THUMPD1: variants seen among roughly 807,000 people sequenced by gnomAD.
The protein encoded by THUMPD1 is THUMP domain 1 NAT10 acetyltransferase adaptor, also known as THUMP domain-containing protein 1.
A neutral mutation model predicts 31.6 loss-of-function variants in THUMPD1; 31 were observed. The observed-to-expected ratio is 0.98, with a 90% CI of 0.74 to 1.32. The LOEUF (loss-of-function observed/expected upper bound fraction) is 1.32, where lower values mean the gene tolerates loss of function less well. Ranked by LOEUF, THUMPD1 falls within the 40% of genes most tolerant of loss-of-function variation. The probability of loss-of-function intolerance (pLI) is 0.00; values close to 1 mark genes in which losing one functional copy is unlikely to be tolerated. For missense variants in THUMPD1, 446 were observed against 427.8 expected (o/e 1.04, Z -0.38); for synonymous variants, 166 against 158.2 (o/e 1.05, Z -0.37).
chr16:20,740,030 A>C (rs1454613122), intron 1 of THUMPD1, among the ~76,000 whole-genome samples: 2 of 152,144 alleles, frequency 1.3e-5, no homozygotes, highest in Admixed American at 6.5e-5. Context: ...GTGAGATTAG[A>C]CCAAATACCT....
Position 20,737,293 on chromosome 16 carries a change from CA to C in THUMPD1, c.656-8del, listed in dbSNP as rs761053683. On this transcript the variant is annotated splice_region_variant and splice_polypyrimidine_tract_variant and intron_variant, in intron 3 of 3. Coordinates refer to ENST00000396083, the MANE Select transcript of THUMPD1 (RefSeq NM_017736.5). ...TTGAGGGTGCACACTATTCCTGTAA[CA>C]AAAACAGAAAAACACATAGCTGAGG... The C allele has an allele frequency of 4.4e-6, 7 of 1,595,324 alleles. No individual in the cohort carries two copies. The highest frequency in any genetic ancestry group is 3.5e-5 in the Admixed American group (2 of 56,714).
intron 1 of THUMPD1, among the ~76,000 whole-genome samples, 180 bp downstream of exon 1, chr16:20,741,329 A>G (rs1011529333): frequency 7.2e-5 from 11 of 152,220 alleles, no homozygotes; most frequent in African/African-American, 2.7e-4. Context: ...CAAAACCGAT[A>G]GCACCGAAGT....
At chr16:20,740,956 C>T in intron 1 of THUMPD1, among the ~76,000 whole-genome samples, 1 of 152,174 alleles carries the variant, frequency 6.6e-6, no homozygotes, top group East Asian at 1.9e-4. Context: ...GCCTGGCCCT[C>T]AATGAGCAAT....
At chr16:20,741,485 G>T in intron 1 of THUMPD1, 24 bp downstream of exon 1, 1 of 1,227,946 alleles carries the variant, frequency 8.1e-7, no homozygotes, top group Non-Finnish European at 1.0e-6. Context: ...CAGCCGGCCC[G>T]CCCGCCCACC....
chr16:20,739,831 A>T (rs1481745412), intron 1 of THUMPD1, among the ~76,000 whole-genome samples: 3 of 49,754 alleles, frequency 6.0e-5, no homozygotes, highest in Non-Finnish European at 2.5e-4. Flanking sequence ...AAAAAAATTA[A>T]AAAAAAAAAA....
chr16:20,739,542 CG>C (rs1236688840), intron 1 of THUMPD1, among the ~76,000 whole-genome samples: 2 of 152,106 alleles, frequency 1.3e-5, no homozygotes, highest in South Asian at 2.1e-4. Context: ...GGAGCAAGGC[CG>C]GAAGTGGTGG....
At chr16:20,739,564 T>C (rs1338310490) in intron 1 of THUMPD1, among the ~76,000 whole-genome samples, 1 of 152,060 alleles carries the variant, frequency 6.6e-6, no homozygotes, top group African/African-American at 2.4e-5. Context: ...CTCATGCCCA[T>C]AATCCCAGCA....
In THUMPD1 at chr16:20,736,091, T is replaced by G. The variant is rs958401839; in HGVS notation, c.*789A>C. 1 of 152,214 alleles carries G rather than the reference T, an allele frequency of 6.6e-6. No individual in the cohort carries two copies. The highest frequency in any genetic ancestry group is 6.5e-5 in the Admixed American group (1 of 15,282). The allele number at this position is 152,214 out of a possible 1,614,324, so 9.4% of individuals were successfully genotyped here. ...AAGTGGCTGTGATTTATTGTTACAA[T>G]TGCTAGTTTTGTAAGTTGCATGTCA... On this transcript the variant is annotated 3_prime_UTR_variant, in exon 4 of 4. Coordinates refer to ENST00000396083, the MANE Select transcript of THUMPD1 (RefSeq NM_017736.5).
At position 20,738,906 on chromosome 16, in the gene THUMPD1, G is replaced by C. The variant is rs1300552153; in HGVS notation, c.397C>G (p.Leu133Val). The change falls in exon 2 of 4, where the codon CTT (leucine) becomes GTT (valine). Residue 133 changes from leucine to valine, a missense_variant. Coordinates refer to ENST00000396083, the MANE Select transcript of THUMPD1 (RefSeq NM_017736.5). ...CAAGTATTTGTCACACCTATCCCAA[G>C]TGTCCTGATGAAGACAACGTTATTT... ...GANNVVFIRT[L>V]GIEPEKLVHH... The C allele has an allele frequency of 6.2e-7, 1 of 1,614,136 alleles. No homozygotes were observed. The highest frequency in any genetic ancestry group is 2.2e-5 in the East Asian group (1 of 44,882).
At position 20,741,495 on chromosome 16, in the gene THUMPD1, C is replaced by T. The variant is rs1376158946; in HGVS notation, c.231+14G>A. 2 of 1,243,814 alleles carry T rather than the reference C, an allele frequency of 1.6e-6. No homozygotes were observed. The highest frequency in any genetic ancestry group is 2.1e-6 in the Non-Finnish European group (2 of 947,898). 77.0% of individuals were successfully genotyped at this position (1,243,814 alleles called of 1,614,324 possible). A position where few individuals can be genotyped will look rare whatever the true frequency, so the allele number is the denominator to read the frequency against. ...CCTGGCAGCCGGCCCGCCCGCCCAC[C>T]CCGGGACCGGTACCTTTTCTGGCCC... On this transcript the variant is annotated intron_variant, in intron 1 of 3. Transcript: ENST00000396083.
intron 2 of THUMPD1, 136 bp downstream of exon 2, chr16:20,738,761 A>C (rs117166174): frequency 1.0e-6 from 1 of 990,216 alleles, no homozygotes; most frequent in East Asian, 2.4e-5. Flanking sequence ...GCCAACTGCT[A>C]ATACAGTGTA....
At position 20,734,460 on chromosome 16, in the gene THUMPD1, A is replaced by G. The variant is rs1371279067; in HGVS notation, c.*2420T>C. On this transcript the variant is annotated 3_prime_UTR_variant, in exon 4 of 4. Transcript: ENST00000396083. ...CTGCCTATTCTCTTTGCCCCTCTCA[A>G]ATCATTCTAGTCTGGTTTACCAAAC... is the stretch of plus-strand genomic sequence containing the variant. 1 of 152,434 alleles carries G rather than the reference A, an allele frequency of 6.6e-6. No individual in the cohort carries two copies. The highest frequency in any genetic ancestry group is 1.5e-5 in the Non-Finnish European group (1 of 68,026). 9.4% of individuals were successfully genotyped at this position (152,434 alleles called of 1,614,324 possible).
At chr16:20,741,479 C>CGGGGGGGGGGGGGGGGGGGGGGG in intron 1 of THUMPD1, 30 bp downstream of exon 1, 1 of 1,329,522 alleles carries the variant, frequency 7.5e-7, no homozygotes, top group Non-Finnish European at 9.8e-7. Context: ...GCCTGGCAGC[C>CGGGGGGGGGGGGGGGGGGGGGGG]GGCCCGCCCG....
At chr16:20,739,320 C>A (rs145692147) in intron 1 of THUMPD1, among the ~76,000 whole-genome samples, 442 of 151,938 alleles carry the variant, frequency 2.9e-3, no homozygotes, top group Admixed American at 4.8e-3. Flanking sequence ...TGATTACAGG[C>A]GCATGCCACT....
intron 1 of THUMPD1, among the ~76,000 whole-genome samples, chr16:20,740,901 G>A (rs2079912671): frequency 1.3e-5 from 2 of 152,078 alleles, no homozygotes; most frequent in African/African-American, 4.8e-5. Context: ...CCAACTTCAC[G>A]AGGCTGTCAT....
rs1162600437 is a variant in THUMPD1, at chr16:20,736,396, AC to A, written c.*483del. 9.6e-3 allele frequency: 1,458 copies of A among 152,230 alleles called. 6 individuals carry two copies. Among genetic ancestry groups the A allele is most frequent in the Non-Finnish European group, 0.017 (1,137 of 68,324 alleles). 9.4% of individuals were successfully genotyped at this position (152,230 alleles called of 1,614,324 possible). On this transcript the variant is annotated 3_prime_UTR_variant, in exon 4 of 4. Transcript: ENST00000396083. ...CAAATGTTAAAAAAAAAAAAAAAAAACAGACATAAACAAGAAAATCACAAAA... is the reference window on the plus strand; with the variant it reads ...CAAATGTTAAAAAAAAAAAAAAAAAAAGACATAAACAAGAAAATCACAAAA...
In THUMPD1 at chr16:20,734,249, C is replaced by T. The variant is rs1211032651; in HGVS notation, c.*2631G>A. 2 of 152,588 alleles carry T rather than the reference C, an allele frequency of 1.3e-5. No homozygotes were observed. Among genetic ancestry groups the T allele is most frequent in the African/African-American group, 4.8e-5 (2 of 41,454 alleles). 9.5% of individuals were successfully genotyped at this position (152,588 alleles called of 1,614,324 possible). On this transcript the variant is annotated 3_prime_UTR_variant, in exon 4 of 4. Coordinates refer to ENST00000396083, the MANE Select transcript of THUMPD1 (RefSeq NM_017736.5). ...GCATATGGCCAATTTTCTTCCGAGT[C>T]CTTTTGTCTTGCACTATCAAAATAG...
At position 20,734,341 on chromosome 16, in the gene THUMPD1, TG is replaced by T. The variant is rs2079850878; in HGVS notation, c.*2538del. The T allele has an allele frequency of 6.6e-6, 1 of 152,626 alleles. No individual in the cohort carries two copies. Among genetic ancestry groups the T allele is most frequent in the Non-Finnish European group, 1.5e-5 (1 of 68,040 alleles). 9.5% of individuals were successfully genotyped at this position (152,626 alleles called of 1,614,324 possible). On this transcript the variant is annotated 3_prime_UTR_variant, in exon 4 of 4. Coordinates refer to ENST00000396083, the MANE Select transcript of THUMPD1 (RefSeq NM_017736.5). ...ATCCTATCCTCCCTATTCCCCTAACTGATATTAATAATCCTCTTATCAATCA... is the reference window on the plus strand; with the variant it reads ...ATCCTATCCTCCCTATTCCCCTAACTATATTAATAATCCTCTTATCAATCA...
In THUMPD1 at chr16:20,737,855, T is replaced by C; in HGVS notation, c.508A>G (p.Lys170Glu). 6.2e-7 allele frequency: 1 copy of C among 1,613,966 alleles called. No homozygotes were observed. ...TTTTTCATATCTTCTAAAAAAGCCT[T>C]GCATGTGCCTGAGATGGGTAACATT... ...LRMLPISGTC[K>E]AFLEDMKKYA... Residue 170 changes from lysine (K) to glutamate (E), a missense_variant, in exon 3 of 4, where the codon AAG becomes GAG. Physicochemically the swap from Lys to Glu is moderately conservative, Grantham distance 56. Coordinates refer to ENST00000396083, the MANE Select transcript of THUMPD1 (RefSeq NM_017736.5).
Sources: gnomAD v4.1 joint callset for allele counts (sites outside exome capture counted in the v4.1 genomes callset) on GRCh38, gnomAD v4.1.1 for gene constraint, MANE v1.5 for transcripts, NCBI Gene and HGNC (gene_info 2026-07-23, HGNC 2026-07-21) for gene names.